Variants in KHDRBS2 observed in about 807,000 individuals in gnomAD.
The protein encoded by KHDRBS2 is KH RNA binding domain containing, signal transduction associated 2, also known as KH domain-containing, RNA-binding, signal transduction-associated protein 2.
KHDRBS2 carries 26 observed loss-of-function variants against 44.3 expected under a neutral mutation model. The observed-to-expected ratio is 0.59, with a 90% CI of 0.43 to 0.81. The LOEUF is 0.81. Ranked by LOEUF, KHDRBS2 falls within the 40% of genes least tolerant of loss-of-function variation. The probability of loss-of-function intolerance (pLI) is 0.00; values close to 1 mark genes in which losing one functional copy is unlikely to be tolerated. For synonymous variants in KHDRBS2, 194 were observed against 151.1 expected, an observed-to-expected ratio of 1.28 and a Z score of -2.08; for missense variants, 476 against 433.1, an observed-to-expected ratio of 1.10 and a Z score of -0.88.
At chr6:61,567,055 T>G in the KHDRBS2 span, among the ~76,000 whole-genome samples, 4 of 152,196 alleles carry the variant, frequency 2.6e-5, no homozygotes, top group Non-Finnish European at 4.4e-5. Flanking sequence ...GAATGTGATT[T>G]GGCCATCTGT....
chr6:62,199,296 T>G (rs1432766809), intron 1 of KHDRBS2, among the ~76,000 whole-genome samples: 2 of 152,132 alleles, frequency 1.3e-5, no homozygotes, highest in Admixed American at 1.3e-4. Flanking sequence ...GGAAGTCAAA[T>G]TGTCCCTGTT....
chr6:61,696,793 G>C (rs2127543794), intron 8 of KHDRBS2, among the ~76,000 whole-genome samples: 1 of 152,090 alleles, frequency 6.6e-6, no homozygotes, highest in East Asian at 1.9e-4. Context: ...TAACTTGAGA[G>C]TTATTTTATA....
At chr6:62,057,351 T>G (rs1790526194) in intron 2 of KHDRBS2, among the ~76,000 whole-genome samples, 2 of 151,736 alleles carry the variant, frequency 1.3e-5, no homozygotes, top group African/African-American at 4.8e-5. Flanking sequence ...ATTTAAAGTA[T>G]TAGAAAAAAA....
chr6:62,102,995 C>A (rs913567502), intron 2 of KHDRBS2, among the ~76,000 whole-genome samples: 1 of 152,166 alleles, frequency 6.6e-6, no homozygotes, highest in African/African-American at 2.4e-5. Context: ...CTCCCTTCCA[C>A]AGGCAGTTGT....
the KHDRBS2 span, among the ~76,000 whole-genome samples, chr6:61,657,319 G>A: frequency 2.0e-5 from 3 of 151,868 alleles, no homozygotes; most frequent in Admixed American, 6.6e-5. Flanking sequence ...TCAAGTCACC[G>A]TACTATTTTC....
chr6:61,742,916 C>T (rs1228383549), intron 6 of KHDRBS2, among the ~76,000 whole-genome samples: 1 of 151,954 alleles, frequency 6.6e-6, no homozygotes, highest in African/African-American at 2.4e-5. Context: ...TATATATGTA[C>T]ACTCAATATA....
chr6:61,810,642 A>G (rs568509954), intron 6 of KHDRBS2, among the ~76,000 whole-genome samples: 56 of 152,326 alleles, frequency 3.7e-4, no homozygotes, highest in African/African-American at 1.2e-3. Flanking sequence ...AGATTATCAA[A>G]TATGTACTGC....
At chr6:61,730,468 G>A (rs780731273) in intron 7 of KHDRBS2, among the ~76,000 whole-genome samples, 10 of 152,008 alleles carry the variant, frequency 6.6e-5, no homozygotes, top group Non-Finnish European at 1.0e-4. Context: ...GAGAGATGAG[G>A]CTGTATTAGA....
At chr6:62,212,599 T>C (rs1214392074) in intron 1 of KHDRBS2, among the ~76,000 whole-genome samples, 1 of 152,096 alleles carries the variant, frequency 6.6e-6, no homozygotes, top group Non-Finnish European at 1.5e-5. Context: ...AGTGTCCTTA[T>C]AAAAAGAGGA....
chr6:61,818,162 T>C (rs1216554589), intron 6 of KHDRBS2, among the ~76,000 whole-genome samples: 2 of 151,862 alleles, frequency 1.3e-5, no homozygotes, highest in African/African-American at 2.4e-5. Flanking sequence ...TCTACTGTTC[T>C]TCACATCAGT....
the KHDRBS2 span, among the ~76,000 whole-genome samples, chr6:61,616,422 T>A: frequency 1.3e-4 from 20 of 151,278 alleles, no homozygotes; most frequent in Non-Finnish European, 2.7e-4. Flanking sequence ...TATGCTAAGA[T>A]GCTAAGAATG....
rs574930094 is a variant in KHDRBS2 at position 61,864,758 on chromosome 6, T to G, written c.810+29877A>C. On this transcript the variant is annotated intron_variant, in intron 6 of 8. Coordinates refer to ENST00000281156, the MANE Select transcript of KHDRBS2 (RefSeq NM_152688.4). The stretch of plus-strand genomic sequence containing the variant: ...ATGTGTCTTGGGGATGATCTTCTCA[T>G]GGAGTATCCTACTGGGGTTCTCTGC... 1.7e-4 allele frequency among the ~76,000 whole-genome samples: 26 copies of G among 152,302 alleles called. 1 individual carries two copies. The highest frequency in any genetic ancestry group is 3.4e-3 in the Middle Eastern group (1 of 292).
chr6:62,239,999 T>A (rs116157304), intron 1 of KHDRBS2, among the ~76,000 whole-genome samples: 119 of 152,222 alleles, frequency 7.8e-4, no homozygotes, highest in African/African-American at 2.6e-3. Flanking sequence ...ACTTTTTTTT[T>A]AAATACAAAA....
chr6:61,866,090 T>G (rs528505859), intron 6 of KHDRBS2, among the ~76,000 whole-genome samples: 1 of 152,312 alleles, frequency 6.6e-6, no homozygotes, highest in South Asian at 2.1e-4. Context: ...TCACAGTTCC[T>G]GGTGGCCCTC....
At chr6:61,754,194 G>C (rs946893873) in intron 6 of KHDRBS2, among the ~76,000 whole-genome samples, 2 of 152,142 alleles carry the variant, frequency 1.3e-5, no homozygotes, top group African/African-American at 4.8e-5. Context: ...AAAAAATACA[G>C]CTGGAGTTCT....
intron 3 of KHDRBS2, among the ~76,000 whole-genome samples, chr6:61,978,414 G>T (rs1310796970): frequency 6.6e-6 from 1 of 152,016 alleles, no homozygotes; most frequent in Non-Finnish European, 1.5e-5. Context: ...GTGTTTGAAT[G>T]ATTTTAAAAA....
At chr6:61,967,873 CACATACACACAA>C (rs1336076538) in intron 4 of KHDRBS2, among the ~76,000 whole-genome samples, 1 of 144,706 alleles carries the variant, frequency 6.9e-6, no homozygotes, top group Non-Finnish European at 1.5e-5. Flanking sequence ...CACATACACA[CACATACACACAA>C]ACATACACAC....
intron 1 of KHDRBS2, among the ~76,000 whole-genome samples, chr6:62,277,873 A>AG (rs1841218783): frequency 6.6e-6 from 1 of 152,240 alleles, no homozygotes; most frequent in Non-Finnish European, 1.5e-5. Flanking sequence ...CCTCCAAAAA[A>AG]GTTAATAACA....
At chr6:61,591,106 G>A in the KHDRBS2 span, among the ~76,000 whole-genome samples, 8 of 152,062 alleles carry the variant, frequency 5.3e-5, no homozygotes, top group East Asian at 1.5e-3. Flanking sequence ...CACAACAATT[G>A]ATCACTGTTT....
Sources: gnomAD v4.1 joint callset for allele counts (sites outside exome capture counted in the v4.1 genomes callset) on GRCh38, gnomAD v4.1.1 for gene constraint, MANE v1.5 for transcripts, NCBI Gene and HGNC (gene_info 2026-07-23, HGNC 2026-07-21) for gene names.